NDST4: variants seen among roughly 807,000 people sequenced by gnomAD.
The protein encoded by NDST4 is N-heparan sulfate sulfotransferase 4.
NDST4 carries 63 observed loss-of-function variants against 100.8 expected under a neutral mutation model. The observed-to-expected ratio is 0.62, with a 90% CI of 0.51 to 0.77. The LOEUF (loss-of-function observed/expected upper bound fraction) is 0.77. Among genes scored for constraint, NDST4 ranks in the 30% least tolerant of loss-of-function variants. NDST4 has a pLI of 0.00. For missense variants in NDST4, 943 were observed against 1,018.4 expected (o/e 0.93, Z 1.01); for synonymous variants, 377 against 361.8 (o/e 1.04, Z -0.48).
chr4:115,006,236 A>C (rs972850473), intron 2 of NDST4, among the ~76,000 whole-genome samples: 2 of 152,116 alleles, frequency 1.3e-5, no homozygotes, highest in African/African-American at 4.8e-5. Flanking sequence ...AACAGGAGAC[A>C]AAAATAAAGA....
At chr4:114,910,063 G>A (rs1377029094) in intron 6 of NDST4, among the ~76,000 whole-genome samples, 2 of 152,014 alleles carry the variant, frequency 1.3e-5, no homozygotes, top group East Asian at 1.9e-4. Flanking sequence ...CATCCAAAAC[G>A]CCAAGGGAGC....
chr4:114,914,604 A>C (rs1290255798), intron 6 of NDST4, among the ~76,000 whole-genome samples: 1 of 152,188 alleles, frequency 6.6e-6, no homozygotes, highest in Non-Finnish European at 1.5e-5. Flanking sequence ...CTGTGTGTAG[A>C]CTATGGGGAA....
At chr4:115,045,753 G>A (rs1284075424) in intron 2 of NDST4, among the ~76,000 whole-genome samples, 1 of 151,982 alleles carries the variant, frequency 6.6e-6, no homozygotes, top group East Asian at 1.9e-4. Context: ...TATATTTTTA[G>A]TTCGAGGTGG....
rs1486885007 is a variant in NDST4, at chr4:115,085,355, T to C, written c.-246-8073A>G. On this transcript the variant is annotated intron_variant, in intron 1 of 13. Transcript: ENST00000264363. ...ATATGAGACTTTGGACTTGGACTTT[T>C]GGGTTAATGCTGGAATGAGTTAAGA... Among the ~76,000 whole-genome samples, 8 of 152,276 alleles carry C rather than the reference T, an allele frequency of 5.3e-5. No homozygotes were observed. The East Asian group carries it at 1.5e-3, about 29-fold the overall frequency.
chr4:114,852,756 T>G lies in NDST4; in HGVS notation c.1785A>C (p.Pro595=). The G allele has an allele frequency of 6.2e-7, 1 of 1,612,310 alleles. No homozygotes were observed. Among genetic ancestry groups the G allele is most frequent in the East Asian group, 2.2e-5 (1 of 44,780 alleles). The change falls in exon 8 of 14, where the codon CCA becomes CCC. Residue 595 remains proline, a synonymous_variant. Transcript: ENST00000264363. ...WSREKTCDHL[P]KFLVIGPQKT... is the part of the protein sequence containing the mutation. ...TTTGTGGACCAATTACTAGAAATTTTGGTAAGTGGTCACAAGTTTTCTCTC... is the reference window on the plus strand; with the variant it reads ...TTTGTGGACCAATTACTAGAAATTTGGGTAAGTGGTCACAAGTTTTCTCTC...
intron 2 of NDST4, among the ~76,000 whole-genome samples, chr4:115,062,673 A>G (rs1205085338): frequency 6.6e-6 from 1 of 151,676 alleles, no homozygotes; most frequent in Non-Finnish European, 1.5e-5. Flanking sequence ...TTAAAACAAG[A>G]AAAAGGCATA....
chr4:114,900,110 T>C (rs1190737819), intron 6 of NDST4, among the ~76,000 whole-genome samples: 4 of 152,156 alleles, frequency 2.6e-5, no homozygotes, highest in Admixed American at 2.6e-4. Context: ...TTATCAAATA[T>C]GTAGACATGG....
intron 13 of NDST4, among the ~76,000 whole-genome samples, chr4:114,829,182 C>T (rs1410416496): frequency 6.6e-6 from 1 of 152,002 alleles, no homozygotes; most frequent in Non-Finnish European, 1.5e-5. Flanking sequence ...CTGGCTGAGC[C>T]AATTGCTGGC....
chr4:114,867,665 C>CAAAAAAAAAAAAAAAAAAAAA, intron 7 of NDST4, among the ~76,000 whole-genome samples: 127 of 79,806 alleles, frequency 1.6e-3, no homozygotes, highest in African/African-American at 1.9e-3. Context: ...AAAAAAAAAG[C>CAAAAAAAAAAAAAAAAAAAAA]AAAAAAAAAA....
Position 115,022,052 on chromosome 4 carries a change from T to TACAC in NDST4, c.979-44779_979-44778insGTGT, listed in dbSNP as rs1240929443. On this transcript the variant is annotated intron_variant, in intron 2 of 13. Transcript: ENST00000264363. Reference sequence around the variant, plus strand: ...CATATCTCTATGTTCCATATCTCTATGTTCCATATATACATTCCACGTCTA... The same window carrying TACAC: ...CATATCTCTATGTTCCATATCTCTATACACGTTCCATATATACATTCCACGTCTA... 9.2e-5 allele frequency among the ~76,000 whole-genome samples: 14 copies of TACAC among 152,158 alleles called. 1 individual carries two copies. The highest frequency in any genetic ancestry group is 3.4e-4 in the African/African-American group (14 of 41,504).
At chr4:115,075,056 A>T (rs999384629) in intron 2 of NDST4, among the ~76,000 whole-genome samples, 2 of 152,156 alleles carry the variant, frequency 1.3e-5, no homozygotes, top group Non-Finnish European at 2.9e-5. Flanking sequence ...ATTTTTATTT[A>T]GTAGCAATCA....
At chr4:114,867,646 T>TAAAAAAAAAAAAAAAAAAAAAAAAAAAA (rs761173470) in intron 7 of NDST4, among the ~76,000 whole-genome samples, 1 of 26,766 alleles carries the variant, frequency 3.7e-5, no homozygotes, top group African/African-American at 8.4e-5. Flanking sequence ...ATGAGAATTA[T>TAAAAAAAAAAAAAAAAAAAAAAAAAAAA]AAAAAAAAAA....
intron 7 of NDST4, among the ~76,000 whole-genome samples, chr4:114,855,758 T>C (rs1437824466): frequency 6.6e-6 from 1 of 152,200 alleles, no homozygotes; most frequent in Non-Finnish European, 1.5e-5. Context: ...CTATTCTGGG[T>C]CCATTGTGGT....
chr4:114,850,030 A>G (rs965171960), intron 8 of NDST4, among the ~76,000 whole-genome samples: 2 of 152,254 alleles, frequency 1.3e-5, no homozygotes, highest in Non-Finnish European at 2.9e-5. Context: ...GGAAGGAAAC[A>G]TGAAATCTAG....
chr4:114,929,495 T>G (rs1725468266), intron 6 of NDST4, among the ~76,000 whole-genome samples: 1 of 152,168 alleles, frequency 6.6e-6, no homozygotes, highest in Non-Finnish European at 1.5e-5. Flanking sequence ...TCTGTCCTGG[T>G]CTCTATCATT....
intron 2 of NDST4, among the ~76,000 whole-genome samples, chr4:115,060,394 G>A (rs560192407): frequency 3.0e-4 from 46 of 151,996 alleles, no homozygotes; most frequent in African/African-American, 9.9e-4. Flanking sequence ...ATTTTGAGAG[G>A]TCAATGTAGT....
intron 3 of NDST4, among the ~76,000 whole-genome samples, chr4:114,975,600 C>T (rs1475101985): frequency 6.6e-6 from 1 of 152,070 alleles, no homozygotes; most frequent in Non-Finnish European, 1.5e-5. Flanking sequence ...TCCTCTACAA[C>T]ATTAACTTTG....
chr4:115,102,684 T>C (rs542811170), intron 1 of NDST4, among the ~76,000 whole-genome samples: 3 of 149,260 alleles, frequency 2.0e-5, no homozygotes, highest in Admixed American at 6.7e-5. Flanking sequence ...GTCATTTATA[T>C]ACCATATACT....
rs1560845436 is a variant in NDST4 at position 114,986,823 on chromosome 4, TATATATATA to T, written c.979-9558_979-9550del. Among the ~76,000 whole-genome samples the T allele has an allele frequency of 1.7e-4, 17 of 98,718 alleles. 1 individual carries two copies. Among genetic ancestry groups the T allele is most frequent in the Admixed American group, 3.0e-4 (3 of 9,934 alleles). The allele number at this position is 98,718 out of a possible 152,430, so 64.8% of individuals were successfully genotyped here. A position where few individuals can be genotyped will look rare whatever the true frequency, so the allele number is the denominator to read the frequency against. ...ATATATATATATATATATATATATA[TATATATATA>T]TTTTAATATACTATTCCTATAAGCT... is the stretch of plus-strand genomic sequence containing the variant. On this transcript the variant is annotated intron_variant, in intron 2 of 13. Coordinates refer to ENST00000264363, the MANE Select transcript of NDST4 (RefSeq NM_022569.3).
Sources: allele counts gnomAD v4.1 joint callset (sites outside exome capture counted in the v4.1 genomes callset), GRCh38; gene constraint gnomAD v4.1.1; transcripts MANE v1.5; gene names NCBI Gene and HGNC (gene_info 2026-07-23, HGNC 2026-07-21).